Variants in TEX36 observed in about 807,000 individuals in gnomAD.
TEX36 encodes the protein testis expressed 36.
In TEX36, 12 loss-of-function variants were observed where a neutral mutation model predicts 13.6. The ratio of observed to expected loss-of-function variants is 0.88; its 90% CI spans 0.56 to 1.43. The LOEUF (loss-of-function observed/expected upper bound fraction) is 1.43, where lower values mean the gene tolerates loss of function less well. Ranked by LOEUF, TEX36 falls within the 40% of genes most tolerant of loss-of-function variation. The pLI is 0.00. For missense variants in TEX36, 224 were observed against 228.3 expected, an observed-to-expected ratio of 0.98 and a Z score of 0.12; for synonymous variants, 93 against 83.0, an observed-to-expected ratio of 1.12 and a Z score of -0.65.
chr10:125,586,519 G>T (rs958462703), intron 3 of TEX36, among the ~76,000 whole-genome samples: 1 of 151,524 alleles, frequency 6.6e-6, no homozygotes, highest in Non-Finnish European at 1.5e-5. Context: ...ATTTGCCAGG[G>T]TGGCTCTTGC....
At chr10:125,624,487 G>C (rs567859745) in intron 3 of TEX36, among the ~76,000 whole-genome samples, 162 of 152,248 alleles carry the variant, frequency 1.1e-3, no homozygotes, top group Non-Finnish European at 2.0e-3. Flanking sequence ...AAACAGATCA[G>C]AGGGTCCTGA....
intron 3 of TEX36, among the ~76,000 whole-genome samples, chr10:125,595,177 T>C (rs758741608): frequency 6.6e-6 from 1 of 152,128 alleles, no homozygotes; most frequent in Non-Finnish European, 1.5e-5. Context: ...CTTAAATAAA[T>C]CTGAATCAAA....
intron 3 of TEX36, among the ~76,000 whole-genome samples, chr10:125,660,794 G>A (rs1244821801): frequency 2.0e-5 from 3 of 152,172 alleles, no homozygotes; most frequent in Non-Finnish European, 4.4e-5. Flanking sequence ...AGGATGAAGC[G>A]CACTTACACC....
intron 3 of TEX36, among the ~76,000 whole-genome samples, chr10:125,586,333 A>G (rs1845948860): frequency 6.6e-6 from 1 of 152,170 alleles, no homozygotes. Context: ...GTAATGAACA[A>G]CCTAGATAGA....
At position 125,613,241 on chromosome 10, in the gene TEX36, TTTTATTTATTTATTTA is replaced by T. The variant is rs71029264; in HGVS notation, c.265-36383_265-36368del. Among the ~76,000 whole-genome samples, 170 of 113,274 alleles carry T rather than the reference TTTTATTTATTTATTTA, an allele frequency of 1.5e-3. 1 individual carries two copies. Among genetic ancestry groups the T allele is most frequent in the Middle Eastern group, 4.7e-3 (1 of 212 alleles). The allele number at this position is 113,274 out of a possible 152,430, so 74.3% of individuals were successfully genotyped here. ...CCTTTTTTTTTTTTTTTTTGACATC[TTTTATTTATTTATTTA>T]TTTATTTATTTATTTATTTATTTAT... On this transcript the variant is annotated intron_variant, in intron 3 of 3. Coordinates refer to the TEX36 transcript ENST00000532135.
At chr10:125,604,948 A>T (rs997496937) in intron 3 of TEX36, among the ~76,000 whole-genome samples, 1 of 152,110 alleles carries the variant, frequency 6.6e-6, no homozygotes, top group Non-Finnish European at 1.5e-5. Context: ...TTGCATAATT[A>T]TTTCATTACA....
chr10:125,585,526 C>T (rs1180970874), intron 3 of TEX36, among the ~76,000 whole-genome samples: 1 of 152,190 alleles, frequency 6.6e-6, no homozygotes, highest in Non-Finnish European at 1.5e-5. Context: ...TAGAACTCCT[C>T]TACCCCAAAG....
Position 125,628,064 on chromosome 10 carries a change from TA to T in TEX36, c.265-6420del, listed in dbSNP as rs528621762. On this transcript the variant is annotated intron_variant, in intron 3 of 3. Coordinates refer to the TEX36 transcript ENST00000526819. ...AAAATTATGCAATTTATTGGTGCCT[TA>T]AAAAAACTATTAATAAAATGTATTT... is the stretch of plus-strand genomic sequence containing the variant. Among the ~76,000 whole-genome samples the T allele has an allele frequency of 1.3e-3, 205 of 152,306 alleles. 1 individual carries two copies. Among genetic ancestry groups the T allele is most frequent in the African/African-American group, 4.7e-3 (196 of 41,562 alleles).
chr10:125,585,414 G>A (rs1434390006), intron 3 of TEX36, among the ~76,000 whole-genome samples: 1 of 152,124 alleles, frequency 6.6e-6, no homozygotes, highest in Non-Finnish European at 1.5e-5. Flanking sequence ...AGGAAGCTTG[G>A]GGAGGCCTCA....
At chr10:125,598,056 G>C (rs990510488) in intron 3 of TEX36, among the ~76,000 whole-genome samples, 2 of 152,168 alleles carry the variant, frequency 1.3e-5, no homozygotes, top group African/African-American at 4.8e-5. Flanking sequence ...CTCCATGCCA[G>C]GGTTAAGGAG....
At chr10:125,679,346 C>T (rs1847360731) in intron 1 of TEX36, among the ~76,000 whole-genome samples, 1 of 152,130 alleles carries the variant, frequency 6.6e-6, no homozygotes, top group Non-Finnish European at 1.5e-5. Flanking sequence ...CATAATGCCT[C>T]AGTCCAGATG....
intron 1 of TEX36, among the ~76,000 whole-genome samples, chr10:125,681,492 T>C (rs1012637078): frequency 2.8e-4 from 42 of 152,306 alleles, no homozygotes; most frequent in African/African-American, 9.9e-4. Flanking sequence ...TCATTTTACT[T>C]TGGCTGCCAG....
chr10:125,618,673 T>A (rs1397637379), downstream of TEX36, among the ~76,000 whole-genome samples: 1 of 152,026 alleles, frequency 6.6e-6, no homozygotes, highest in Non-Finnish European at 1.5e-5. Context: ...AGGTTCCTGA[T>A]ACCATGGCCT....
At chr10:125,611,461 A>G (rs1425274918) in intron 3 of TEX36, among the ~76,000 whole-genome samples, 1 of 152,218 alleles carries the variant, frequency 6.6e-6, no homozygotes, top group Admixed American at 6.5e-5. Flanking sequence ...TGACAACAGA[A>G]GGCAAATATT....
At chr10:125,590,678 T>C (rs556684599) in intron 3 of TEX36, among the ~76,000 whole-genome samples, 1 of 152,268 alleles carries the variant, frequency 6.6e-6, no homozygotes, top group Non-Finnish European at 1.5e-5. Context: ...TCAGATAAGA[T>C]GATGTTTATG....
At chr10:125,608,102 C>G (rs372162058) in intron 3 of TEX36, among the ~76,000 whole-genome samples, 1 of 152,172 alleles carries the variant, frequency 6.6e-6, no homozygotes, top group East Asian at 1.9e-4. Context: ...GGTTTAGCAA[C>G]AGCTCACAGG....
At chr10:125,630,099 G>T (rs1415756226) in intron 3 of TEX36, among the ~76,000 whole-genome samples, 1 of 152,160 alleles carries the variant, frequency 6.6e-6, no homozygotes, top group African/African-American at 2.4e-5. Flanking sequence ...GTGTTTTCTA[G>T]ACGCCTCCTC....
rs549397481 is a variant in TEX36 at position 125,636,326 on chromosome 10, C to T, written c.265-14681G>A. On this transcript the variant is annotated intron_variant, in intron 3 of 3. Transcript: ENST00000526819. ...GTTCACGCCATTCTCCTGCCTCAGC[C>T]TCCCGAGTAGCTGGGACTACAGGCG... Among the ~76,000 whole-genome samples the T allele has an allele frequency of 2.6e-3, 395 of 151,764 alleles. 3 individuals are homozygous for T. Among genetic ancestry groups the T allele is most frequent in the African/African-American group, 9.0e-3 (372 of 41,344 alleles).
chr10:125,604,834 C>A (rs2133546134), intron 3 of TEX36, among the ~76,000 whole-genome samples: 1 of 151,604 alleles, frequency 6.6e-6, no homozygotes, highest in Admixed American at 6.6e-5. Context: ...GAGAGAGAAT[C>A]TAATGCCTGA....
Sources: allele counts gnomAD v4.1 joint callset (sites outside exome capture counted in the v4.1 genomes callset), GRCh38; gene constraint gnomAD v4.1.1; transcripts MANE v1.5; gene names NCBI Gene and HGNC (gene_info 2026-07-23, HGNC 2026-07-21).